KREMEN1: variants seen among roughly 807,000 people sequenced by gnomAD.
KREMEN1 encodes kringle containing transmembrane protein 1, also known as kremen protein 1.
Under a neutral mutation model 46.5 loss-of-function variants are expected in KREMEN1, and 30 were observed. That is an observed-to-expected ratio of 0.65 (90% CI 0.48 to 0.88). KREMEN1 has a LOEUF of 0.88. Among genes scored for constraint, KREMEN1 ranks in the 40% least tolerant of loss-of-function variants. The probability of loss-of-function intolerance (pLI) is 0.00; values close to 1 mark genes in which losing one functional copy is unlikely to be tolerated. For missense variants in KREMEN1, 533 were observed against 596.9 expected (o/e 0.89, Z 1.11); for synonymous variants, 214 against 230.6 (o/e 0.93, Z 0.65).
At chr22:29,098,160 T>C (rs134664) in intron 2 of KREMEN1, among the ~76,000 whole-genome samples, 113,143 of 151,268 alleles carry the variant, frequency 0.75, 43,030 homozygotes, top group African/African-American at 0.88. Flanking sequence ...CAGCTCAGCC[T>C]GGGTGACAGA....
chr22:29,145,449 CCT>C lies in KREMEN1; in HGVS notation c.*3338_*3339del, dbSNP rs2038842138. On this transcript the variant is annotated 3_prime_UTR_variant, in exon 9 of 9. Coordinates refer to ENST00000400335, the MANE Select transcript of KREMEN1 (RefSeq NM_001039570.3). ...ACTGGGCCTGCGTGCCATCCTCACCCCTGTTCCCCGCTGGCGCCAGGCCCTGC... is the reference window on the plus strand; with the variant it reads ...ACTGGGCCTGCGTGCCATCCTCACCCGTTCCCCGCTGGCGCCAGGCCCTGC... 1 of 985,594 alleles carries C rather than the reference CCT, an allele frequency of 1.0e-6. No individual in the cohort carries two copies. Among genetic ancestry groups the C allele is most frequent in the Non-Finnish European group, 1.2e-6 (1 of 830,070 alleles). 61.1% of individuals were successfully genotyped at this position (985,594 alleles called of 1,614,324 possible).
intron 9 of KREMEN1, among the ~76,000 whole-genome samples, chr22:29,152,743 C>T (rs544633570): frequency 1.3e-5 from 2 of 152,088 alleles, no homozygotes; most frequent in South Asian, 2.1e-4. Flanking sequence ...CTCACTCTGT[C>T]GCCCAGGCTG....
chr22:29,136,536 C>T (rs888299705), intron 5 of KREMEN1, among the ~76,000 whole-genome samples: 1 of 150,742 alleles, frequency 6.6e-6, no homozygotes. Context: ...GATCACACCA[C>T]TGCACTCCAG....
intron 3 of KREMEN1, among the ~76,000 whole-genome samples, chr22:29,106,528 A>C (rs2038062892): frequency 6.6e-6 from 1 of 152,058 alleles, no homozygotes; most frequent in African/African-American, 2.4e-5. Context: ...AATCCTATGA[A>C]GCAGGTGGCA....
At position 29,145,104 on chromosome 22, in the gene KREMEN1, G is replaced by A; in HGVS notation, c.*2992G>A. 1.0e-6 allele frequency: 1 copy of A among 985,854 alleles called. No homozygotes were observed. The highest frequency in any genetic ancestry group is 1.2e-6 in the Non-Finnish European group (1 of 830,104). 61.1% of individuals were successfully genotyped at this position (985,854 alleles called of 1,614,324 possible). A position where few individuals can be genotyped will look rare whatever the true frequency, so the allele number is the denominator to read the frequency against. On this transcript the variant is annotated 3_prime_UTR_variant, in exon 9 of 9. Coordinates refer to ENST00000400335, the MANE Select transcript of KREMEN1 (RefSeq NM_001039570.3). ...CTGGCTATGGACTCAGTTAGAACCAGGTAGAAAGTCAGCGACACCCCACAG... is the reference window on the plus strand; with the variant it reads ...CTGGCTATGGACTCAGTTAGAACCAAGTAGAAAGTCAGCGACACCCCACAG...
At chr22:29,088,354 G>T (rs1371763208) in intron 1 of KREMEN1, among the ~76,000 whole-genome samples, 2 of 151,778 alleles carry the variant, frequency 1.3e-5, no homozygotes, top group African/African-American at 2.4e-5. Flanking sequence ...TTGAGATGGG[G>T]TTCCCGCTCT....
chr22:29,076,783 C>T (rs2123919351), intron 1 of KREMEN1, among the ~76,000 whole-genome samples: 1 of 152,284 alleles, frequency 6.6e-6, no homozygotes, highest in Non-Finnish European at 1.5e-5. Context: ...ACCCAGGAGG[C>T]AGAGGTAGCG....
In KREMEN1 at chr22:29,104,893, C is replaced by CA. The variant is rs572163013; in HGVS notation, c.352+5947dup. Among the ~76,000 whole-genome samples the CA allele has an allele frequency of 7.9e-5, 12 of 151,740 alleles. No individual in the cohort carries two copies. The East Asian group carries it at 2.3e-3, about 29-fold the overall frequency. ...TGGGCGACAGAGCAAGACTCCATTTCAAAAAAATAAATAAAATAAAATCAC... is the reference window on the plus strand; with the variant it reads ...TGGGCGACAGAGCAAGACTCCATTTCAAAAAAAATAAATAAAATAAAATCAC... On this transcript the variant is annotated intron_variant, in intron 3 of 8. Coordinates refer to ENST00000400335, the MANE Select transcript of KREMEN1 (RefSeq NM_001039570.3).
intron 5 of KREMEN1, among the ~76,000 whole-genome samples, chr22:29,131,244 C>T (rs2038528669): frequency 6.6e-6 from 1 of 151,832 alleles, no homozygotes; most frequent in Admixed American, 6.6e-5. Context: ...GTAACCTGCT[C>T]AAATTCATAG....
At chr22:29,097,634 C>T (rs915609651) in intron 2 of KREMEN1, among the ~76,000 whole-genome samples, 3 of 151,902 alleles carry the variant, frequency 2.0e-5, no homozygotes, top group African/African-American at 4.8e-5. Context: ...GACGGAGTTT[C>T]GCTCTTGTTA....
At chr22:29,154,924 T>A (rs1210151930) in intron 9 of KREMEN1, among the ~76,000 whole-genome samples, 2 of 152,146 alleles carry the variant, frequency 1.3e-5, no homozygotes, top group Admixed American at 1.3e-4. Flanking sequence ...ACTCATTCTA[T>A]CAGATAAGTG....
downstream of KREMEN1, among the ~76,000 whole-genome samples, chr22:29,150,000 C>G (rs2038902653): frequency 1.3e-5 from 2 of 152,250 alleles, no homozygotes; most frequent in East Asian, 3.8e-4. Flanking sequence ...CAGACAGTCT[C>G]TAGAACTCAG....
At position 29,144,532 on chromosome 22, in the gene KREMEN1, A is replaced by G. The variant is rs1795099507; in HGVS notation, c.*2420A>G. On this transcript the variant is annotated 3_prime_UTR_variant, in exon 9 of 9. Transcript: ENST00000400335. ...CCTCTGTCTCCAAGAGGCCTGTCAC[A>G]CAGGAGGACCGCTGGAAACATACCA... 1.0e-6 allele frequency: 1 copy of G among 985,392 alleles called. No homozygotes were observed. The highest frequency in any genetic ancestry group is 1.7e-5 in the African/African-American group (1 of 57,256). The allele number at this position is 985,392 out of a possible 1,614,324, so 61.0% of individuals were successfully genotyped here. A position where few individuals can be genotyped will look rare whatever the true frequency, so the allele number is the denominator to read the frequency against.
chr22:29,138,117 G>T (rs577121184), intron 6 of KREMEN1, among the ~76,000 whole-genome samples: 14 of 152,332 alleles, frequency 9.2e-5, no homozygotes, highest in African/African-American at 3.4e-4. Flanking sequence ...CCTCTGTAAT[G>T]TGAGCACATG....
At chr22:29,120,402 G>A (rs1488382673) in intron 3 of KREMEN1, among the ~76,000 whole-genome samples, 4 of 148,342 alleles carry the variant, frequency 2.7e-5, no homozygotes, top group African/African-American at 9.9e-5. Context: ...AGGGAGGAGG[G>A]AGAGGTGATG....
At chr22:29,102,755 T>C (rs561491936) in intron 3 of KREMEN1, among the ~76,000 whole-genome samples, 3 of 152,306 alleles carry the variant, frequency 2.0e-5, no homozygotes, top group East Asian at 3.9e-4. Flanking sequence ...TTAAATATTA[T>C]TTCAGTTTTT....
At chr22:29,137,276 G>A in intron 5 of KREMEN1, 66 bp from the exon 6 acceptor site, 1 of 1,138,274 alleles carries the variant, frequency 8.8e-7, no homozygotes, top group Non-Finnish European at 1.2e-6. Flanking sequence ...TTAGTGCCTT[G>A]GTGTTGGAAG....
rs1276066828 is a variant in KREMEN1, at chr22:29,143,480, T to C, written c.*1368T>C. The C allele has an allele frequency of 6.1e-6, 6 of 984,568 alleles. No homozygotes were observed. Among genetic ancestry groups the C allele is most frequent in the East Asian group, 1.1e-4 (1 of 8,804 alleles). The allele number at this position is 984,568 out of a possible 1,614,324, so 61.0% of individuals were successfully genotyped here. On this transcript the variant is annotated 3_prime_UTR_variant, in exon 9 of 9. Coordinates refer to ENST00000400335, the MANE Select transcript of KREMEN1 (RefSeq NM_001039570.3). ...CCCAAGGGCCGGGCGCGGTGGCTCA[T>C]GCCTGTAATCCCAGCACTTTGGGAG...
intron 8 of KREMEN1, among the ~76,000 whole-genome samples, chr22:29,141,226 C>CGTGTGTGT (rs132278): frequency 1.0e-4 from 15 of 148,536 alleles, no homozygotes; most frequent in African/African-American, 2.7e-4. Context: ...ATAATGTCCT[C>CGTGTGTGT]GTGTGTGTGT....
Sources: allele counts gnomAD v4.1 joint callset (sites outside exome capture counted in the v4.1 genomes callset), GRCh38; gene constraint gnomAD v4.1.1; transcripts MANE v1.5; gene names NCBI Gene and HGNC (gene_info 2026-07-23, HGNC 2026-07-21).